Variants in TTC6 observed in about 807,000 individuals in gnomAD.
TTC6 encodes the protein tetratricopeptide repeat domain 6, also known as tetratricopeptide repeat protein 6.
TTC6 carries 172 observed loss-of-function variants against 210.4 expected under a neutral mutation model. The ratio of observed to expected loss-of-function variants is 0.82; its 90% CI spans 0.72 to 0.93. The LOEUF is 0.93. Among genes scored for constraint, TTC6 ranks in the 40% least tolerant of loss-of-function variants. TTC6 has a pLI of 0.00. For missense variants in TTC6, 2,414 were observed against 2,318.1 expected, an observed-to-expected ratio of 1.04 and a Z score of -0.85; for synonymous variants, 804 against 819.6, an observed-to-expected ratio of 0.98 and a Z score of 0.32.
chr14:37,832,173 A>C (rs2096186866), intron 29 of TTC6, among the ~76,000 whole-genome samples: 5 of 152,002 alleles, frequency 3.3e-5, no homozygotes, highest in Admixed American at 3.3e-4. Flanking sequence ...AAGTTTTCTC[A>C]GTTTTGTTTA....
At chr14:37,713,274 T>A (rs2095847501) in intron 5 of TTC6, among the ~76,000 whole-genome samples, 1 of 152,210 alleles carries the variant, frequency 6.6e-6, no homozygotes, top group South Asian at 2.1e-4. Flanking sequence ...GCCTTCTAAT[T>A]GCATTTGGTT....
At chr14:37,742,494 C>T (rs1199878882) in intron 10 of TTC6, among the ~76,000 whole-genome samples, 9 of 152,054 alleles carry the variant, frequency 5.9e-5, no homozygotes, top group Non-Finnish European at 1.0e-4. Context: ...ACTGCAACCT[C>T]TGCCTCCCAG....
At chr14:37,762,653 T>G (rs1218943225) in intron 14 of TTC6, among the ~76,000 whole-genome samples, 1 of 152,294 alleles carries the variant, frequency 6.6e-6, no homozygotes, top group Non-Finnish European at 1.5e-5. Flanking sequence ...ATTGGGTTGT[T>G]TTCTCCCATT....
intron 4 of TTC6, among the ~76,000 whole-genome samples, chr14:37,698,937 GT>G (rs951114283): frequency 5.9e-5 from 9 of 152,138 alleles, no homozygotes; most frequent in African/African-American, 2.2e-4. Flanking sequence ...CAGTTGGCAA[GT>G]GTTAGAACCA....
At position 37,747,099 on chromosome 14, in the gene TTC6, G is replaced by T. The variant is rs552162449; in HGVS notation, c.2364-1840G>T. Among the ~76,000 whole-genome samples, 61 of 152,260 alleles carry T rather than the reference G, an allele frequency of 4.0e-4. 2 individuals carry two copies. The South Asian group carries it at 0.012, about 30-fold the overall frequency. On this transcript the variant is annotated intron_variant, in intron 10 of 30. Coordinates refer to ENST00000553443, the Ensembl canonical transcript of TTC6. ...ATTATTGTTGTCCTAATGACTTAAA[G>T]CTCTTTGATCTCCCAATGCCTTGTC...
At chr14:37,777,972 T>C (rs569657661) in intron 14 of TTC6, among the ~76,000 whole-genome samples, 1 of 152,186 alleles carries the variant, frequency 6.6e-6, no homozygotes, top group Admixed American at 6.5e-5. Context: ...GCCCCTTAAG[T>C]TGGGAACCTG....
At chr14:37,630,938 T>C (rs2095668709) in intron 1 of TTC6, among the ~76,000 whole-genome samples, 1 of 108,308 alleles carries the variant, frequency 9.2e-6, no homozygotes, top group Non-Finnish European at 1.9e-5. Flanking sequence ...TTTTTTTTTT[T>C]TTTTTTTTTG....
Position 37,829,427 on chromosome 14 carries a change from ATTATCT to A in TTC6, c.5298+2066_5298+2071del, listed in dbSNP as rs1465574233. ...GAAGGTTTATAGTTTTGTTGTAGTG[ATTATCT>A]TTATAAAAATAACATTAATACTCTT... is the stretch of plus-strand genomic sequence containing the variant. On this transcript the variant is annotated intron_variant, in intron 29 of 30. Coordinates refer to ENST00000553443, the Ensembl canonical transcript of TTC6. Among the ~76,000 whole-genome samples the A allele has an allele frequency of 2.6e-5, 4 of 151,480 alleles. No homozygotes were observed. In the East Asian group the frequency reaches 7.7e-4, roughly 29 times the overall value.
chr14:37,628,718 T>C (rs1212677430), intron 1 of TTC6, among the ~76,000 whole-genome samples: 1 of 152,230 alleles, frequency 6.6e-6, no homozygotes, highest in Non-Finnish European at 1.5e-5. Context: ...TAGATTTTCT[T>C]CTAGGGTTTT....
At chr14:37,714,538 T>C in intron 5 of TTC6, 117 bp from the exon 8 acceptor site, 1 of 698,154 alleles carries the variant, frequency 1.4e-6, no homozygotes, top group Non-Finnish European at 2.2e-6. Flanking sequence ...AATCTCTGTT[T>C]AGTGCAGATG....
chr14:37,716,461 G>T (rs755252555), intron 6 of TTC6, among the ~76,000 whole-genome samples: 37 of 152,082 alleles, frequency 2.4e-4, no homozygotes, highest in Non-Finnish European at 5.0e-4. Flanking sequence ...AAAACATAAT[G>T]ATATAGCCAG....
chr14:37,786,628 C>T (rs549609763), intron 14 of TTC6, among the ~76,000 whole-genome samples: 11 of 152,334 alleles, frequency 7.2e-5, no homozygotes, highest in African/African-American at 2.6e-4. Flanking sequence ...GCTGCACCCA[C>T]TGTCCTGCAC....
intron 14 of TTC6, among the ~76,000 whole-genome samples, chr14:37,785,281 T>C (rs1157282013): frequency 6.6e-6 from 1 of 152,236 alleles, no homozygotes; most frequent in African/African-American, 2.4e-5. Context: ...GATTTGGTCT[T>C]TTCACATAGT....
chr14:37,697,634 G>A (rs924309680), intron 4 of TTC6, among the ~76,000 whole-genome samples: 8 of 152,110 alleles, frequency 5.3e-5, no homozygotes, highest in Non-Finnish European at 1.0e-4. Flanking sequence ...TAGTAGCTGA[G>A]AATAGACTCA....
At chr14:37,650,933 A>C (rs892699148) in intron 1 of TTC6, among the ~76,000 whole-genome samples, 1 of 152,210 alleles carries the variant, frequency 6.6e-6, no homozygotes, top group African/African-American at 2.4e-5. Flanking sequence ...CAGTTTAAAC[A>C]AAACTCCAAA....
intron 1 of TTC6, among the ~76,000 whole-genome samples, chr14:37,663,942 T>G (rs867643290): frequency 1.3e-5 from 2 of 150,510 alleles, no homozygotes; most frequent in Non-Finnish European, 3.0e-5. Flanking sequence ...CTATAGCTAA[T>G]AAGGGAAGTG....
intron 1 of TTC6, among the ~76,000 whole-genome samples, chr14:37,624,215 A>G (rs146147507): frequency 6.6e-6 from 1 of 152,230 alleles, no homozygotes; most frequent in East Asian, 1.9e-4. Flanking sequence ...CTGAGTTGAG[A>G]CTCACACCTC....
chr14:37,670,474 C>CCTTTTTTTTTTTTTTTTTT (rs532690678), intron 1 of TTC6, among the ~76,000 whole-genome samples: 3 of 121,326 alleles, frequency 2.5e-5, no homozygotes, highest in South Asian at 2.8e-4. Flanking sequence ...AACTACCTCA[C>CCTTTTTTTTTTTTTTTTTT]TTTTTTTTTT....
chr14:37,829,177 TC>T (rs2096179052), intron 29 of TTC6, among the ~76,000 whole-genome samples: 2 of 152,124 alleles, frequency 1.3e-5, no homozygotes, highest in East Asian at 3.9e-4. Context: ...TTGGTATGTC[TC>T]TTTTATACTG....
Sources: allele counts gnomAD v4.1 joint callset (sites outside exome capture counted in the v4.1 genomes callset), GRCh38; gene constraint gnomAD v4.1.1; transcripts MANE v1.5; gene names NCBI Gene and HGNC (gene_info 2026-07-23, HGNC 2026-07-21).